The following RGS17 variants were observed in gnomAD, a reference collection of about 807,000 sequenced individuals.
The protein encoded by RGS17 is regulator of G-protein signaling 17.
RGS17 carries 12 observed loss-of-function variants against 25.5 expected under a neutral mutation model. The ratio of observed to expected loss-of-function variants is 0.47; its 90% CI spans 0.30 to 0.76. The LOEUF (loss-of-function observed/expected upper bound fraction) is 0.76, where lower values mean the gene tolerates loss of function less well. Ranked by LOEUF, RGS17 falls within the 30% of genes least tolerant of loss-of-function variation. The probability of loss-of-function intolerance (pLI) is 0.07; values close to 1 mark genes in which losing one functional copy is unlikely to be tolerated. For missense variants in RGS17, 196 were observed against 242.2 expected (o/e 0.81, Z 1.27); for synonymous variants, 71 against 76.9 (o/e 0.92, Z 0.40).
intron 1 of RGS17, among the ~76,000 whole-genome samples, chr6:153,092,682 G>T (rs987808640): frequency 5.9e-5 from 9 of 152,126 alleles, no homozygotes; most frequent in African/African-American, 2.2e-4. Flanking sequence ...AAATGCTAGA[G>T]GTCAGAACAT....
chr6:153,059,814 A>G (rs1378424758), intron 1 of RGS17, among the ~76,000 whole-genome samples: 3 of 152,202 alleles, frequency 2.0e-5, no homozygotes, highest in African/African-American at 7.2e-5. Flanking sequence ...TATCAATGCA[A>G]GGGTGATAGA....
intron 1 of RGS17, among the ~76,000 whole-genome samples, chr6:153,062,673 T>A (rs1776655668): frequency 6.6e-6 from 1 of 152,188 alleles, no homozygotes; most frequent in Non-Finnish European, 1.5e-5. Context: ...GCTACTGGAA[T>A]GCTGTTATTC....
intron 1 of RGS17, among the ~76,000 whole-genome samples, chr6:153,108,654 T>C (rs1027070181): frequency 1.4e-5 from 2 of 140,722 alleles, no homozygotes; most frequent in Non-Finnish European, 3.2e-5. Context: ...TAGTACAATA[T>C]ATTGGTTTGA....
intron 1 of RGS17, among the ~76,000 whole-genome samples, chr6:153,094,769 C>T (rs1307286905): frequency 6.6e-6 from 1 of 152,128 alleles, no homozygotes; most frequent in Non-Finnish European, 1.5e-5. Flanking sequence ...CTTTTCCCTT[C>T]CTCATTTACA....
Position 153,056,881 on chromosome 6 carries a change from T to C in RGS17, c.-25-12838A>G, listed in dbSNP as rs903358047. On this transcript the variant is annotated intron_variant, in intron 1 of 4. Transcript: ENST00000206262. ...GTGTGTGTGTGTGTGTGTGTGTGTG[T>C]GTTTTCCTGGAATCCTAGTGTTCTC... 1.0e-4 allele frequency among the ~76,000 whole-genome samples: 15 copies of C among 144,910 alleles called. No individual in the cohort carries two copies. In the East Asian group the frequency reaches 2.3e-3, roughly 22 times the overall value.
chr6:153,117,821 T>G (rs545458212), intron 1 of RGS17, among the ~76,000 whole-genome samples: 4 of 152,198 alleles, frequency 2.6e-5, no homozygotes, highest in Non-Finnish European at 5.9e-5. Context: ...CTTCAACATA[T>G]CAATCACTGG....
chr6:153,061,165 CTTTGT>C lies in RGS17; in HGVS notation c.-25-17127_-25-17123del, dbSNP rs567739110. Among the ~76,000 whole-genome samples the C allele has an allele frequency of 1.5e-3, 223 of 152,272 alleles. 1 individual carries two copies. The highest frequency in any genetic ancestry group is 5.1e-3 in the African/African-American group (212 of 41,564). Reference sequence around the variant, plus strand: ...CCAATTTTTACCTGACTTATTCAGGCTTTGTTTTATTTTAGAACAGCAGCATTAGC... The same window carrying C: ...CCAATTTTTACCTGACTTATTCAGGCTTTATTTTAGAACAGCAGCATTAGC... On this transcript the variant is annotated intron_variant, in intron 1 of 4. Transcript: ENST00000206262.
At chr6:153,036,838 A>G (rs1776249511) in intron 2 of RGS17, among the ~76,000 whole-genome samples, 1 of 152,016 alleles carries the variant, frequency 6.6e-6, no homozygotes, top group Non-Finnish European at 1.5e-5. Flanking sequence ...GTGCCCCACC[A>G]TCTCTCACCA....
At chr6:153,089,535 C>T (rs1208403216) in intron 1 of RGS17, among the ~76,000 whole-genome samples, 1 of 151,782 alleles carries the variant, frequency 6.6e-6, no homozygotes, top group Non-Finnish European at 1.5e-5. Flanking sequence ...CTTTAGTCTG[C>T]GTGTAAGAAA....
intron 1 of RGS17, among the ~76,000 whole-genome samples, chr6:153,117,612 T>A (rs1345970662): frequency 1.3e-5 from 2 of 152,210 alleles, no homozygotes; most frequent in African/African-American, 4.8e-5. Context: ...GACAGAAAAG[T>A]ATACAGAGAA....
At chr6:153,064,080 T>C (rs755860227) in intron 1 of RGS17, among the ~76,000 whole-genome samples, 14 of 152,130 alleles carry the variant, frequency 9.2e-5, no homozygotes, top group Non-Finnish European at 1.5e-4. Context: ...AGACCTATCT[T>C]ACAAGAAATG....
intron 1 of RGS17, among the ~76,000 whole-genome samples, chr6:153,103,496 G>A (rs1419284533): frequency 2.6e-5 from 4 of 152,072 alleles, no homozygotes; most frequent in Non-Finnish European, 4.4e-5. Context: ...TTTTCTCCTA[G>A]CAACCATATT....
intron 2 of RGS17, among the ~76,000 whole-genome samples, chr6:153,035,847 G>A (rs1320419718): frequency 1.3e-5 from 2 of 152,204 alleles, no homozygotes; most frequent in African/African-American, 4.8e-5. Context: ...CATTTTCTCT[G>A]TCAGTAGCTT....
intron 1 of RGS17, among the ~76,000 whole-genome samples, chr6:153,052,195 T>C (rs1776470601): frequency 6.6e-6 from 1 of 152,100 alleles, no homozygotes; most frequent in African/African-American, 2.4e-5. Context: ...AACCCTGGGA[T>C]TGAGATCCCA....
chr6:153,115,540 C>A (rs1777531898), intron 1 of RGS17, among the ~76,000 whole-genome samples: 1 of 152,150 alleles, frequency 6.6e-6, no homozygotes, highest in African/African-American at 2.4e-5. Context: ...CATCTAGCTG[C>A]CATTGACTTT....
chr6:153,054,500 AAT>A, intron 1 of RGS17, among the ~76,000 whole-genome samples: 2 of 151,748 alleles, frequency 1.3e-5, no homozygotes, highest in Middle Eastern at 6.8e-3. Flanking sequence ...AAAATACAAA[AAT>A]TAGCCAGGCA....
intron 1 of RGS17, among the ~76,000 whole-genome samples, chr6:153,054,918 T>C (rs1776533204): frequency 6.6e-6 from 1 of 152,178 alleles, no homozygotes; most frequent in African/African-American, 2.4e-5. Flanking sequence ...ATTCTCTAAG[T>C]CCCTGAATAC....
At chr6:153,089,153 T>G (rs1287225886) in intron 1 of RGS17, among the ~76,000 whole-genome samples, 1 of 152,040 alleles carries the variant, frequency 6.6e-6, no homozygotes, top group Non-Finnish European at 1.5e-5. Flanking sequence ...TGGTACACTT[T>G]TTTTTTTCTT....
At chr6:153,058,950 A>G (rs560739160) in intron 1 of RGS17, among the ~76,000 whole-genome samples, 1 of 152,120 alleles carries the variant, frequency 6.6e-6, no homozygotes, top group South Asian at 2.1e-4. Context: ...AATGATCAGA[A>G]ATTCAAGAAA....
Sources: allele counts gnomAD v4.1 joint callset (sites outside exome capture counted in the v4.1 genomes callset), GRCh38; gene constraint gnomAD v4.1.1; transcripts MANE v1.5; gene names NCBI Gene and HGNC (gene_info 2026-07-23, HGNC 2026-07-21).